The following EPS15L1 variants were observed in gnomAD, a reference collection of about 807,000 sequenced individuals.
The protein encoded by EPS15L1 is epidermal growth factor receptor pathway substrate 15 like 1.
A neutral mutation model predicts 117.1 loss-of-function variants in EPS15L1; 43 were observed. The observed-to-expected ratio is 0.37, with a 90% confidence interval of 0.29 to 0.47. EPS15L1 has a LOEUF of 0.47. EPS15L1 is among the 20% of genes least tolerant of loss of function. The pLI is 0.99. For synonymous variants in EPS15L1, 459 were observed against 470.5 expected, an observed-to-expected ratio of 0.98 and a Z score of 0.32; for missense variants, 981 against 1,164.0, an observed-to-expected ratio of 0.84 and a Z score of 2.29.
chr19:16,424,948 A>G, intron 9 of EPS15L1, 135 bp downstream of exon 9: 2 of 829,734 alleles, frequency 2.4e-6, no homozygotes, highest in East Asian at 2.6e-5. Flanking sequence ...GGCGTGAGCC[A>G]CCGCACCTGG....
intron 1 of EPS15L1, among the ~76,000 whole-genome samples, chr19:16,445,880 C>T (rs1222667661): frequency 1.3e-5 from 2 of 152,178 alleles, no homozygotes; most frequent in African/African-American, 4.8e-5. Flanking sequence ...AGAGCTGACC[C>T]GATGTGTTCT....
At chr19:16,425,057 G>A in intron 9 of EPS15L1, 26 bp downstream of exon 9, 2 of 1,565,024 alleles carry the variant, frequency 1.3e-6, no homozygotes, top group African/African-American at 2.7e-5. Flanking sequence ...TCTGAGAGGG[G>A]GCTGTGCCCG....
At chr19:16,437,062 T>C (rs772273887) in intron 5 of EPS15L1, 63 bp from the exon 6 acceptor site, 19 of 1,463,994 alleles carry the variant, frequency 1.3e-5, no homozygotes, top group Non-Finnish European at 1.1e-5. Flanking sequence ...GTGGGTGGGT[T>C]TGCTGAAAAG....
chr19:16,403,740 A>G lies in EPS15L1; in HGVS notation c.1619T>C (p.Ile540Thr). 5.6e-6 allele frequency: 9 copies of G among 1,612,500 alleles called. No individual in the cohort carries two copies. Among genetic ancestry groups the G allele is most frequent in the Non-Finnish European group, 7.6e-6 (9 of 1,180,002 alleles). ...CCCGACTCCGTGAAGTACCTGGTTG[A>G]TTTCGTCTTGCGTTGACTTCAGGGA... The part of the protein sequence containing the change: ...IKSLKSTQDE[I>T]NQARSKLSQL... The change falls in exon 15 of 24, where the codon ATC becomes ACC. Residue 540 changes from isoleucine to threonine, a missense_variant. By Grantham distance (89) the Ile-to-Thr change is moderately conservative. Coordinates refer to ENST00000455140, the MANE Select transcript of EPS15L1 (RefSeq NM_001258374.3).
intron 13 of EPS15L1, among the ~76,000 whole-genome samples, chr19:16,406,575 C>T (rs780402002): frequency 8.5e-5 from 13 of 152,236 alleles, no homozygotes; most frequent in Non-Finnish European, 1.6e-4. Context: ...CTGGCAGCAA[C>T]TCCCTGGTGT....
At chr19:16,448,070 A>G (rs948942300) in intron 1 of EPS15L1, among the ~76,000 whole-genome samples, 1 of 152,238 alleles carries the variant, frequency 6.6e-6, no homozygotes, top group African/African-American at 2.4e-5. Context: ...CCTCGAACTA[A>G]AAGTCTTATG....
chr19:16,378,367 C>T (rs1173994590), intron 21 of EPS15L1, among the ~76,000 whole-genome samples: 1 of 152,128 alleles, frequency 6.6e-6, no homozygotes, highest in African/African-American at 2.4e-5. Flanking sequence ...ACCCCCCAGC[C>T]GCTGACTCAG....
At position 16,471,939 on chromosome 19, in the gene EPS15L1, C is replaced by T. The variant is rs1288762863; in HGVS notation, c.7G>A (p.Ala3Thr). 39 of 1,289,834 alleles carry T rather than the reference C, an allele frequency of 3.0e-5. No individual in the cohort carries two copies. Among genetic ancestry groups the T allele is most frequent in the Non-Finnish European group, 3.6e-5 (37 of 1,019,640 alleles). 79.9% of individuals were successfully genotyped at this position (1,289,834 alleles called of 1,614,324 possible). ...TGCTGGGAGAGGGGGATGAGCGGCG[C>T]CGCCATCTTCCCGCGGACTCGGGCT... is the stretch of plus-strand genomic sequence containing the variant. MAAPLIPLSQQIP... is the reference protein window; with the variant it reads MATPLIPLSQQIP... The change falls in exon 1 of 24, where the codon GCG (alanine) becomes ACG (threonine). Residue 3 changes from alanine to threonine, a missense_variant. By Grantham distance (58) the Ala-to-Thr change is moderately conservative. Coordinates refer to ENST00000455140, the MANE Select transcript of EPS15L1 (RefSeq NM_001258374.3). The surrounding 1 kb of genome is among the most constrained non-coding windows in gnomAD (Gnocchi z 4.8).
chr19:16,436,696 C>T (rs888439460), intron 6 of EPS15L1: 31 of 438,184 alleles, frequency 7.1e-5, no homozygotes, highest in African/African-American at 5.6e-4. Context: ...CTTAGTTGTC[C>T]AGGTAGGCAA....
chr19:16,397,645 C>G (rs1223306158), intron 16 of EPS15L1, among the ~76,000 whole-genome samples: 2 of 151,522 alleles, frequency 1.3e-5, no homozygotes, highest in Admixed American at 6.6e-5. Flanking sequence ...GAAATGAGTA[C>G]TTATGCAGTT....
chr19:16,433,257 G>A lies in EPS15L1; in HGVS notation c.498+1108C>T, dbSNP rs541149245. ...ATTCTCCTGTCTCAGCCTCCCAAGTGTCTGGGATTACAGGCGAACACCACC... is the reference window on the plus strand; with the variant it reads ...ATTCTCCTGTCTCAGCCTCCCAAGTATCTGGGATTACAGGCGAACACCACC... On this transcript the variant is annotated intron_variant, in intron 7 of 23. Coordinates refer to ENST00000455140, the MANE Select transcript of EPS15L1 (RefSeq NM_001258374.3). 1.0e-3 allele frequency among the ~76,000 whole-genome samples: 156 copies of A among 151,318 alleles called. 2 individuals carry two copies. Among genetic ancestry groups the A allele is most frequent in the South Asian group, 7.1e-3 (34 of 4,768 alleles).
chr19:16,425,107 G>C lies in EPS15L1; in HGVS notation c.768C>G (p.Pro256=). The C allele has an allele frequency of 6.2e-7, 1 of 1,614,172 alleles. No individual in the cohort carries two copies. Among genetic ancestry groups the C allele is most frequent in the Non-Finnish European group, 8.5e-7 (1 of 1,179,992 alleles). The stretch of plus-strand genomic sequence containing the variant: ...CCTGTGTTTGCTTGAGGCTGTGCTT[G>C]GGGGACAGGCTCCCTGTGCTGTTGA... ...SSLNSTGSLS[P]KHSLKQTQPT... The change falls in exon 9 of 24, where the codon CCC becomes CCG. Residue 256 remains proline, a synonymous_variant. Transcript: ENST00000455140.
chr19:16,471,997 G>T, upstream of EPS15L1: 1 of 1,237,804 alleles, frequency 8.1e-7, no homozygotes, highest in Non-Finnish European at 1.0e-6. This position sits in a 1 kb window ranked among gnomAD's most constrained non-coding sequence, Gnocchi z 4.8. Context: ...CGGGGCTGCA[G>T]CCACGCGTGC....
intron 9 of EPS15L1, among the ~76,000 whole-genome samples, chr19:16,422,020 G>A (rs534569982): frequency 7.2e-5 from 11 of 152,152 alleles, no homozygotes; most frequent in African/African-American, 1.7e-4. Flanking sequence ...GTACACACAC[G>A]TCACTGACAG....
chr19:16,360,891 C>A (rs1687233028), intron 23 of EPS15L1, among the ~76,000 whole-genome samples: 1 of 152,180 alleles, frequency 6.6e-6, no homozygotes. Flanking sequence ...GTCGAAGCAT[C>A]TATAAATAAC....
At position 16,370,364 on chromosome 19, in the gene EPS15L1, T is replaced by G. The variant is rs1460632436; in HGVS notation, c.2380+6758A>C. On this transcript the variant is annotated intron_variant, in intron 22 of 23. Transcript: ENST00000455140. The surrounding 1 kb of genome is among the most constrained non-coding windows in gnomAD (Gnocchi z 5.2). ...CAGAGCTGCACCCAGAGCCCCCTTC[T>G]GAGGCGTCTGCCCCAGCCCTCACCT... 6.6e-6 allele frequency among the ~76,000 whole-genome samples: 1 copy of G among 152,156 alleles called. No homozygotes were observed. Among genetic ancestry groups the G allele is most frequent in the African/African-American group, 2.4e-5 (1 of 41,428 alleles).
intron 7 of EPS15L1, among the ~76,000 whole-genome samples, chr19:16,433,902 G>T (rs1187533860): frequency 1.3e-5 from 2 of 152,128 alleles, no homozygotes; most frequent in Non-Finnish European, 2.9e-5. Context: ...GGCAGAGGTT[G>T]CAGTGAGCCG....
At chr19:16,438,430 A>G (rs990137182) in intron 4 of EPS15L1, among the ~76,000 whole-genome samples, 25 of 152,216 alleles carry the variant, frequency 1.6e-4, no homozygotes, top group Admixed American at 5.9e-4. Flanking sequence ...AGATGCATAT[A>G]TTTTCCAAAA....
chr19:16,414,679 G>T (rs116247923), intron 12 of EPS15L1, among the ~76,000 whole-genome samples: 1,768 of 150,010 alleles, frequency 0.012, 34 homozygotes, highest in African/African-American at 0.041. Flanking sequence ...AATTATAGGC[G>T]TGAGCCAACA....
Sources: gnomAD v4.1 joint callset for allele counts (sites outside exome capture counted in the v4.1 genomes callset) on GRCh38, gnomAD v4.1.1 for gene constraint, Gnocchi (gnomAD v3.1) non-coding constraint, MANE v1.5 for transcripts, NCBI Gene and HGNC (gene_info 2026-07-23, HGNC 2026-07-21) for gene names.